The following ACVR1 variants were observed in gnomAD, a reference collection of about 807,000 sequenced individuals.
ACVR1 encodes the protein activin receptor type-1.
A neutral mutation model predicts 57.1 loss-of-function variants in ACVR1; 38 were observed. That is an observed-to-expected ratio of 0.67 (90% CI 0.51 to 0.87). The LOEUF (loss-of-function observed/expected upper bound fraction) is 0.87, where lower values mean the gene tolerates loss of function less well. Among genes scored for constraint, ACVR1 ranks in the 40% least tolerant of loss-of-function variants. The pLI, the probability that ACVR1 is intolerant of heterozygous loss-of-function variation, is 0.00. For missense variants in ACVR1, 463 were observed against 638.2 expected (o/e 0.73, Z 2.96); for synonymous variants, 212 against 228.1 (o/e 0.93, Z 0.63).
chr2:157,842,720 G>C (rs556477811), intron 1 of ACVR1, among the ~76,000 whole-genome samples: 1 of 152,238 alleles, frequency 6.6e-6, no homozygotes, highest in South Asian at 2.1e-4. Flanking sequence ...TCAATTTCTA[G>C]CATTTTATGT....
intron 2 of ACVR1, among the ~76,000 whole-genome samples, chr2:157,803,836 T>C (rs1037772499): frequency 1.3e-5 from 2 of 152,126 alleles, no homozygotes; most frequent in African/African-American, 4.8e-5. Flanking sequence ...TCTTGATATT[T>C]ACAGTGTTAA....
At chr2:157,778,076 C>T (rs565880405) in intron 5 of ACVR1, 55 bp downstream of exon 5, 14 of 1,562,986 alleles carry the variant, frequency 9.0e-6, no homozygotes, top group African/African-American at 8.1e-5. Flanking sequence ...GAAATAAGAA[C>T]GTGTCTCCAG....
chr2:157,827,868 C>T (rs1039026167), intron 1 of ACVR1, among the ~76,000 whole-genome samples: 1 of 152,198 alleles, frequency 6.6e-6, no homozygotes, highest in African/African-American at 2.4e-5. Context: ...CTCACTCACC[C>T]TTCTCTGTTA....
rs2105246925 is a variant in ACVR1, at chr2:157,757,628, G to A, written c.1264+3252C>T. On this transcript the variant is annotated intron_variant, in intron 9 of 10. Transcript: ENST00000434821. ...GTTGAAAGAAAAAACAAAACTGTCAGCCAAGAATACTACACTCAACACAAA... is the reference window on the plus strand; with the variant it reads ...GTTGAAAGAAAAAACAAAACTGTCAACCAAGAATACTACACTCAACACAAA... Among the ~76,000 whole-genome samples the A allele has an allele frequency of 1.3e-5, 2 of 151,884 alleles. 1 individual carries two copies. The highest frequency in any genetic ancestry group is 4.2e-4 in the South Asian group (2 of 4,818).
Position 157,866,694 on chromosome 2 carries a change from G to C in ACVR1, c.-183+9102C>G, listed in dbSNP as rs564385827. Among the ~76,000 whole-genome samples, 40 of 152,300 alleles carry C rather than the reference G, an allele frequency of 2.6e-4. 1 individual carries two copies. In the South Asian group the frequency reaches 5.6e-3, roughly 21 times the overall value. ...AGATACAGGTGTCACCCATCAAACAGCATGTCTGCCTTTGATTCTATGAGC... is the reference window on the plus strand; with the variant it reads ...AGATACAGGTGTCACCCATCAAACACCATGTCTGCCTTTGATTCTATGAGC... On this transcript the variant is annotated intron_variant, in intron 1 of 10. Coordinates refer to ENST00000434821, the MANE Select transcript of ACVR1 (RefSeq NM_001111067.4).
chr2:157,750,669 G>C (rs2105235242), intron 9 of ACVR1, among the ~76,000 whole-genome samples: 1 of 151,994 alleles, frequency 6.6e-6, no homozygotes, highest in South Asian at 2.1e-4. Context: ...TATCAACGTA[G>C]AGACACAAAG....
chr2:157,770,933 A>C (rs1466975077), intron 6 of ACVR1, among the ~76,000 whole-genome samples: 1 of 152,208 alleles, frequency 6.6e-6, no homozygotes, highest in African/African-American at 2.4e-5. Flanking sequence ...ACATCAGTAA[A>C]CTGAATTCCT....
At chr2:157,807,124 A>C (rs1687576640) in intron 2 of ACVR1, 1 of 152,224 alleles carries the variant, frequency 6.6e-6, no homozygotes, top group Admixed American at 6.5e-5. Flanking sequence ...GAAGCAAACA[A>C]TATGATCTGT....
intron 5 of ACVR1, among the ~76,000 whole-genome samples, chr2:157,775,026 A>G (rs1442446411): frequency 6.6e-6 from 1 of 152,216 alleles, no homozygotes; most frequent in East Asian, 1.9e-4. Flanking sequence ...CAAACTAGGA[A>G]TAAGGAACAA....
At chr2:157,752,343 C>G (rs925777114) in intron 9 of ACVR1, among the ~76,000 whole-genome samples, 1 of 152,152 alleles carries the variant, frequency 6.6e-6, no homozygotes, top group African/African-American at 2.4e-5. Flanking sequence ...TCTGACATAG[C>G]CTATCCAAAT....
chr2:157,763,913 T>C (rs543954859), intron 8 of ACVR1, among the ~76,000 whole-genome samples: 1 of 152,246 alleles, frequency 6.6e-6, no homozygotes, highest in South Asian at 2.1e-4. Flanking sequence ...ATATATCTAA[T>C]TGGAAGGTTA....
At chr2:157,811,001 G>C (rs938082053) in intron 2 of ACVR1, among the ~76,000 whole-genome samples, 2 of 152,062 alleles carry the variant, frequency 1.3e-5, no homozygotes, top group Non-Finnish European at 2.9e-5. Context: ...GATCTGTGAC[G>C]AGGCCTAGGA....
intron 2 of ACVR1, among the ~76,000 whole-genome samples, chr2:157,804,001 T>A (rs750312409): frequency 4.6e-5 from 7 of 152,230 alleles, no homozygotes; most frequent in Non-Finnish European, 7.3e-5. Context: ...AGAAAATCTC[T>A]GTTCAATAAA....
intron 1 of ACVR1, among the ~76,000 whole-genome samples, chr2:157,845,426 T>C (rs1306510912): frequency 1.3e-5 from 2 of 152,060 alleles, no homozygotes; most frequent in African/African-American, 2.4e-5. Context: ...AAGGTACACA[T>C]TGGAGTCATG....
chr2:157,855,278 GTGTGT>G, intron 1 of ACVR1, among the ~76,000 whole-genome samples: 1 of 45,818 alleles, frequency 2.2e-5, no homozygotes, highest in South Asian at 1.2e-3. Context: ...AAGTGTGTGT[GTGTGT>G]GTGTGTGTGT....
At chr2:157,806,327 G>T (rs1218110379) in intron 2 of ACVR1, among the ~76,000 whole-genome samples, 1 of 151,814 alleles carries the variant, frequency 6.6e-6, no homozygotes, top group Non-Finnish European at 1.5e-5. Flanking sequence ...CCCCAGAAAA[G>T]ATGTTGATAT....
At chr2:157,839,424 C>T (rs983897154) in intron 1 of ACVR1, among the ~76,000 whole-genome samples, 4 of 152,206 alleles carry the variant, frequency 2.6e-5, no homozygotes, top group Admixed American at 1.3e-4. Flanking sequence ...GATGCTGCTC[C>T]AAGCTTGAAG....
intron 10 of ACVR1, 83 bp from the exon 11 acceptor site, chr2:157,737,748 T>C (rs1684590694): frequency 6.4e-7 from 1 of 1,560,508 alleles, no homozygotes; most frequent in East Asian, 2.2e-5. Context: ...ATGTCTACTA[T>C]TCTGAAGAAC....
At chr2:157,763,360 C>T (rs968607783) in intron 8 of ACVR1, among the ~76,000 whole-genome samples, 1 of 152,054 alleles carries the variant, frequency 6.6e-6, no homozygotes, top group Non-Finnish European at 1.5e-5. Context: ...AAAGTTTTAA[C>T]AATTATTGAA....
Sources: allele counts gnomAD v4.1 joint callset (sites outside exome capture counted in the v4.1 genomes callset), GRCh38; gene constraint gnomAD v4.1.1; transcripts MANE v1.5; gene names NCBI Gene and HGNC (gene_info 2026-07-23, HGNC 2026-07-21).